MED15: variants seen among roughly 807,000 people sequenced by gnomAD.
MED15 encodes the protein mediator of RNA polymerase II transcription subunit 15.
A neutral mutation model predicts 118.7 loss-of-function variants in MED15; 41 were observed. The observed-to-expected ratio is 0.35, with a 90% CI of 0.27 to 0.45. The LOEUF (loss-of-function observed/expected upper bound fraction) is 0.45. Among genes scored for constraint, MED15 ranks in the 20% least tolerant of loss-of-function variants. The pLI is 1.00. For synonymous variants in MED15, 436 were observed against 413.9 expected (o/e 1.05, Z -0.65); for missense variants, 740 against 1,025.5 (o/e 0.72, Z 3.80).
rs2056365265 is a variant in MED15, at chr22:20,564,558, A to G, written c.560A>G (p.Gln187Arg). 1 of 1,605,942 alleles carries G rather than the reference A, an allele frequency of 6.2e-7. No individual in the cohort carries two copies. Among genetic ancestry groups the G allele is most frequent in the African/African-American group, 1.3e-5 (1 of 74,738 alleles). ...LQQQQQQQQQQQFQAQQSAMQ... is the reference protein window; with the variant it reads ...LQQQQQQQQQRQFQAQQSAMQ... ...CAGCAGCAGCAGCAGCAGCAACAGC[A>G]GCAGTTCCAGGCTCAGCAGAGTGCC... The change falls in exon 6 of 18, where the codon CAG (glutamine) becomes CGG (arginine). Residue 187 changes from glutamine to arginine, a missense_variant. Around this residue, in one of 7 missense-constraint regions of MED15, gnomAD observed 384 missense variants for 506.3 expected, o/e 0.76. Coordinates refer to ENST00000263205, the MANE Select transcript of MED15 (RefSeq NM_001003891.3).
chr22:20,521,331 A>G (rs1169366063), intron 1 of MED15, among the ~76,000 whole-genome samples: 1 of 151,186 alleles, frequency 6.6e-6, no homozygotes, highest in African/African-American at 2.4e-5. Flanking sequence ...TCCTGACCTC[A>G]GGGGATCCAC....
chr22:20,584,741 T>A (rs1443152524), intron 14 of MED15, 114 bp from the exon 15 acceptor site: 2 of 1,322,056 alleles, frequency 1.5e-6, no homozygotes, highest in South Asian at 1.3e-5. Context: ...GTGGAGGCTG[T>A]GAGAGAGGCC....
chr22:20,560,334 G>A (rs546072930), intron 5 of MED15, among the ~76,000 whole-genome samples: 2 of 151,922 alleles, frequency 1.3e-5, no homozygotes, highest in South Asian at 2.1e-4. Flanking sequence ...GTGCAATGTC[G>A]GCCCACTGCA....
intron 5 of MED15, among the ~76,000 whole-genome samples, chr22:20,562,525 C>T (rs2056283077): frequency 6.6e-6 from 1 of 152,042 alleles, no homozygotes; most frequent in Admixed American, 6.5e-5. Context: ...GCTGGGATTA[C>T]AGGCACGTGC....
At chr22:20,531,381 TCCTGG>T (rs1263129660) in intron 1 of MED15, among the ~76,000 whole-genome samples, 8 of 152,212 alleles carry the variant, frequency 5.3e-5, no homozygotes, top group African/African-American at 1.9e-4. Context: ...TGCACCTTCG[TCCTGG>T]CCACAGCCTC....
At chr22:20,561,214 A>G (rs2056226586) in intron 5 of MED15, among the ~76,000 whole-genome samples, 1 of 151,746 alleles carries the variant, frequency 6.6e-6, no homozygotes, top group South Asian at 2.1e-4. Flanking sequence ...AAAAAGACAA[A>G]GAAGCTTAGA....
intron 3 of MED15, 141 bp from the exon 4 acceptor site, chr22:20,553,004 T>C: frequency 1.4e-6 from 1 of 721,480 alleles, no homozygotes; most frequent in Non-Finnish European, 2.3e-6. Flanking sequence ...GTAGAAACAC[T>C]TCCCCCAGTA....
At chr22:20,559,560 C>T (rs1451981358) in intron 5 of MED15, among the ~76,000 whole-genome samples, 2 of 152,196 alleles carry the variant, frequency 1.3e-5, no homozygotes, top group African/African-American at 4.8e-5. Context: ...AGTTAGCCAT[C>T]TCATCTGCTG....
At chr22:20,556,302 GTTT>G (rs361842) in intron 5 of MED15, among the ~76,000 whole-genome samples, 1 of 140,092 alleles carries the variant, frequency 7.1e-6, no homozygotes. Context: ...GACTTCATCA[GTTT>G]TTTTTTTTTT....
intron 1 of MED15, among the ~76,000 whole-genome samples, chr22:20,527,952 G>A (rs551231377): frequency 6.0e-4 from 72 of 119,746 alleles, no homozygotes; most frequent in Non-Finnish European, 9.5e-4. Flanking sequence ...GCTAGACTCC[G>A]TCTCAAAAAA....
intron 5 of MED15, among the ~76,000 whole-genome samples, chr22:20,563,821 T>C (rs939299066): frequency 5.3e-5 from 8 of 152,220 alleles, no homozygotes; most frequent in African/African-American, 1.9e-4. Context: ...TCGGTAGGTT[T>C]TAGTGTAATC....
chr22:20,583,198 G>A lies in MED15; in HGVS notation c.1623G>A (p.Lys541=), dbSNP rs375648684. ...QYLDKLKQLS[K]YIEPLRRMIN... is the part of the protein sequence containing the mutation. The stretch of plus-strand genomic sequence containing the variant: ...TGGACAAGCTGAAGCAGCTGTCGAA[G>A]TACATCGAGCCCCTGCGCCGCATGA... Residue 541 remains lysine, a synonymous_variant, in exon 12 of 18, where the codon AAG becomes AAA. Coordinates refer to ENST00000263205, the MANE Select transcript of MED15 (RefSeq NM_001003891.3). 6.2e-7 allele frequency: 1 copy of A among 1,611,856 alleles called. No homozygotes were observed. Among genetic ancestry groups the A allele is most frequent in the Non-Finnish European group, 8.5e-7 (1 of 1,179,278 alleles).
chr22:20,584,318 A>G (rs756783082), intron 13 of MED15, 41 bp from the exon 14 acceptor site: 235 of 1,602,194 alleles, frequency 1.5e-4, no homozygotes, highest in Non-Finnish European at 1.9e-4. Flanking sequence ...GAGAACTGCC[A>G]TGTCTTCCAC....
At chr22:20,584,517 C>A in intron 14 of MED15, 92 bp downstream of exon 14, 1 of 1,444,594 alleles carries the variant, frequency 6.9e-7, no homozygotes, top group Non-Finnish European at 9.7e-7. Flanking sequence ...GTCAGGGCAT[C>A]TGGGCGGGGG....
chr22:20,578,788 C>G (rs1411358336), intron 9 of MED15, among the ~76,000 whole-genome samples: 2 of 152,226 alleles, frequency 1.3e-5, no homozygotes, highest in African/African-American at 4.8e-5. Flanking sequence ...GACTACACTG[C>G]CCATTTGCTC....
chr22:20,531,242 G>A (rs1018790831), intron 1 of MED15, among the ~76,000 whole-genome samples: 1 of 152,168 alleles, frequency 6.6e-6, no homozygotes, highest in African/African-American at 2.4e-5. Flanking sequence ...CAAGGACTGG[G>A]ACTGGACTCC....
intron 1 of MED15, among the ~76,000 whole-genome samples, chr22:20,529,640 C>G (rs1401492562): frequency 6.6e-6 from 1 of 152,174 alleles, no homozygotes; most frequent in Non-Finnish European, 1.5e-5. Context: ...ACTCTTGTTG[C>G]TCAGGCTGGA....
At chr22:20,530,380 G>A (rs910581215) in intron 1 of MED15, among the ~76,000 whole-genome samples, 25 of 152,244 alleles carry the variant, frequency 1.6e-4, no homozygotes, top group African/African-American at 5.5e-4. Flanking sequence ...AGTTTCCTTC[G>A]AGCAGAACAT....
At chr22:20,553,664 G>T (rs1382350176) in intron 4 of MED15, among the ~76,000 whole-genome samples, 2 of 152,146 alleles carry the variant, frequency 1.3e-5, no homozygotes, top group African/African-American at 4.8e-5. Flanking sequence ...GTTGAGGTCA[G>T]GAGTTCAAGA....
Sources: gnomAD v4.1 joint callset for allele counts (sites outside exome capture counted in the v4.1 genomes callset) on GRCh38, gnomAD v4.1.1 for gene constraint, gnomAD v4.1.1 regional missense constraint, MANE v1.5 for transcripts, NCBI Gene and HGNC (gene_info 2026-07-23, HGNC 2026-07-21) for gene names.